ZNF385D: variants seen among roughly 807,000 people sequenced by gnomAD.
ZNF385D encodes zinc finger protein 385D.
A neutral mutation model predicts 35.8 loss-of-function variants in ZNF385D; 15 were observed. The observed-to-expected ratio is 0.42, with a 90% confidence interval of 0.28 to 0.64. The LOEUF is 0.64. Ranked by LOEUF, ZNF385D falls within the 30% of genes least tolerant of loss-of-function variation. The probability of loss-of-function intolerance (pLI) is 0.23; values close to 1 mark genes in which losing one functional copy is unlikely to be tolerated. For missense variants in ZNF385D, 474 were observed against 494.6 expected (o/e 0.96, Z 0.39); for synonymous variants, 212 against 186.8 (o/e 1.13, Z -1.10).
intron 2 of ZNF385D, among the ~76,000 whole-genome samples, chr3:22,358,469 G>A (rs942324138): frequency 6.6e-6 from 1 of 151,812 alleles, no homozygotes; most frequent in Non-Finnish European, 1.5e-5. Flanking sequence ...ATTCTATATA[G>A]AGGACAATAC....
intron 3 of ZNF385D, among the ~76,000 whole-genome samples, chr3:21,856,528 T>C (rs1220769709): frequency 1.3e-5 from 2 of 152,062 alleles, no homozygotes; most frequent in Non-Finnish European, 2.9e-5. Flanking sequence ...TCCTTTCAGC[T>C]ACTCAGGCCA....
In ZNF385D at chr3:21,664,913, T is replaced by C; in HGVS notation, c.138A>G (p.Ala46=). ...CATTGAAATTGGGGAAGAGGTTGAC[T>C]GCAGCTGCAGTGTCAAGAGGAAAGG... The part of the protein sequence containing the change: ...FLPFPLDTAA[A]VNLFPNFNAM... Residue 46 remains alanine, a synonymous_variant, in exon 2 of 8, where the codon GCA becomes GCG. Coordinates refer to ENST00000281523, the MANE Select transcript of ZNF385D (RefSeq NM_024697.3). 1.2e-6 allele frequency: 2 copies of C among 1,613,778 alleles called. No homozygotes were observed. Among genetic ancestry groups the C allele is most frequent in the Non-Finnish European group, 1.7e-6 (2 of 1,179,740 alleles).
intron 1 of ZNF385D, among the ~76,000 whole-genome samples, chr3:21,691,419 C>T (rs907084145): frequency 6.6e-6 from 1 of 152,088 alleles, no homozygotes; most frequent in African/African-American, 2.4e-5. Flanking sequence ...CACCCTCAAC[C>T]TCCACATTCA....
intron 2 of ZNF385D, among the ~76,000 whole-genome samples, chr3:22,291,180 G>A (rs1702284206): frequency 6.6e-6 from 1 of 152,096 alleles, no homozygotes. Context: ...ACTGTTGGTT[G>A]TTACTTTCTG....
intron 3 of ZNF385D, among the ~76,000 whole-genome samples, chr3:21,799,247 G>A (rs966936394): frequency 6.6e-6 from 1 of 152,150 alleles, no homozygotes; most frequent in Non-Finnish European, 1.5e-5. Context: ...GAATAGTGCT[G>A]CTATAAATAT....
intron 2 of ZNF385D, among the ~76,000 whole-genome samples, chr3:22,269,014 C>T (rs1396403107): frequency 6.6e-6 from 1 of 151,856 alleles, no homozygotes; most frequent in Non-Finnish European, 1.5e-5. Context: ...TTTTCATACA[C>T]AATGGTCTAT....
At chr3:22,259,101 T>A (rs1700473809) in intron 2 of ZNF385D, among the ~76,000 whole-genome samples, 1 of 151,988 alleles carries the variant, frequency 6.6e-6, no homozygotes. Flanking sequence ...TACCTTGCTC[T>A]TTGAGTAAAT....
chr3:21,713,965 T>C (rs2068216961), intron 1 of ZNF385D, among the ~76,000 whole-genome samples: 1 of 152,204 alleles, frequency 6.6e-6, no homozygotes, highest in Admixed American at 6.5e-5. Flanking sequence ...ACCCTGTTCC[T>C]GATCTTTTCT....
At chr3:21,511,153 A>T (rs1318238250) in intron 3 of ZNF385D, 130 bp from the exon 4 acceptor site, 1 of 1,089,826 alleles carries the variant, frequency 9.2e-7, no homozygotes, top group East Asian at 2.6e-5. Flanking sequence ...GTGGCCAGAC[A>T]GTGGGGTTCT....
At chr3:22,372,485 T>A (rs2125238068) in exon 2 of ZNF385D, 2 of 985,742 alleles carry the variant, frequency 2.0e-6, no homozygotes, top group East Asian at 1.1e-4. Context: ...CCCCAGGAGC[T>A]TTTCTCTCCT....
intron 2 of ZNF385D, among the ~76,000 whole-genome samples, chr3:21,635,649 C>A (rs1418961961): frequency 6.6e-6 from 1 of 151,984 alleles, no homozygotes; most frequent in Non-Finnish European, 1.5e-5. Context: ...GATTTTGTTG[C>A]ATGCATCACC....
chr3:22,126,542 G>C (rs1703441424), intron 3 of ZNF385D, among the ~76,000 whole-genome samples: 1 of 151,912 alleles, frequency 6.6e-6, no homozygotes, highest in Non-Finnish European at 1.5e-5. Context: ...TGGTCGAGAA[G>C]ATATTTGATA....
intron 3 of ZNF385D, among the ~76,000 whole-genome samples, chr3:21,809,007 A>C (rs989971155): frequency 1.3e-5 from 2 of 152,238 alleles, no homozygotes; most frequent in Non-Finnish European, 2.9e-5. Flanking sequence ...ATGCTATAAG[A>C]AAAGATAAGG....
At chr3:21,908,512 A>G (rs1699808012) in intron 3 of ZNF385D, among the ~76,000 whole-genome samples, 2 of 152,130 alleles carry the variant, frequency 1.3e-5, no homozygotes, top group African/African-American at 4.8e-5. Context: ...GGCAGATTGG[A>G]AACACTGTAA....
chr3:21,820,806 G>T (rs1056045531), intron 3 of ZNF385D, among the ~76,000 whole-genome samples: 2 of 150,730 alleles, frequency 1.3e-5, no homozygotes, highest in Non-Finnish European at 3.0e-5. Context: ...TGAGGACATT[G>T]TGTGTGTCAA....
intron 3 of ZNF385D, among the ~76,000 whole-genome samples, chr3:21,543,427 T>A (rs1435636345): frequency 1.3e-5 from 2 of 151,948 alleles, no homozygotes; most frequent in Non-Finnish European, 2.9e-5. Context: ...TTCACGGTCT[T>A]TTCCTTTTTC....
rs1294068176 is a variant in ZNF385D at position 22,245,549 on chromosome 3, T to C, written c.107-76514A>G. Among the ~76,000 whole-genome samples, 3 of 151,954 alleles carry C rather than the reference T, an allele frequency of 2.0e-5. No homozygotes were observed. In the East Asian group the frequency reaches 5.8e-4, roughly 29 times the overall value. ...AGCGCATTTCCTATTCCTATTTGAT[T>C]CTCCTTAATTGGTATTTTAAAGTTG... On this transcript the variant is annotated intron_variant, in intron 2 of 5. Coordinates refer to the ZNF385D transcript ENST00000494108.
intron 1 of ZNF385D, among the ~76,000 whole-genome samples, chr3:21,687,137 C>T (rs762735009): frequency 6.6e-6 from 1 of 152,124 alleles, no homozygotes; most frequent in Non-Finnish European, 1.5e-5. Flanking sequence ...AGAGGTTATA[C>T]AAACGGAGAA....
intron 3 of ZNF385D, among the ~76,000 whole-genome samples, chr3:21,797,666 A>G (rs2072213257): frequency 2.0e-5 from 3 of 152,362 alleles, no homozygotes; most frequent in Middle Eastern, 6.8e-3. Context: ...GTCAAAGCCA[A>G]AAATAATTGA....
Sources: gnomAD v4.1 joint callset for allele counts (sites outside exome capture counted in the v4.1 genomes callset) on GRCh38, gnomAD v4.1.1 for gene constraint, MANE v1.5 for transcripts, NCBI Gene and HGNC (gene_info 2026-07-23, HGNC 2026-07-21) for gene names.